Variants in IGF2R observed in about 807,000 individuals in gnomAD.
IGF2R encodes the protein insulin like growth factor 2 receptor, also known as cation-independent mannose-6-phosphate receptor.
IGF2R carries 91 observed loss-of-function variants against 270.6 expected under a neutral mutation model. The ratio of observed to expected loss-of-function variants is 0.34; its 90% CI spans 0.28 to 0.40. The LOEUF (loss-of-function observed/expected upper bound fraction) is 0.40. Ranked by LOEUF, IGF2R falls within the 10% of genes least tolerant of loss-of-function variation. IGF2R has a pLI of 1.00. For missense variants in IGF2R, 2,805 were observed against 3,188.3 expected (o/e 0.88, Z 2.90); for synonymous variants, 1,316 against 1,258.9 (o/e 1.05, Z -0.96).
chr6:160,048,165 G>A (rs1319992804), intron 17 of IGF2R, among the ~76,000 whole-genome samples: 1 of 152,202 alleles, frequency 6.6e-6, no homozygotes, highest in South Asian at 2.1e-4. Context: ...GCAGAGGCAC[G>A]GGGGACAGTT....
At position 160,084,330 on chromosome 6, in the gene IGF2R, T is replaced by C. The variant is rs184111334; in HGVS notation, c.6068+146T>C. On this transcript the variant is annotated intron_variant, in intron 40 of 47. Coordinates refer to ENST00000356956, the MANE Select transcript of IGF2R (RefSeq NM_000876.4). The surrounding 1 kb of genome is among the most constrained non-coding windows in gnomAD (Gnocchi z 4.6). ...ATGGTGGTTGAGTTGTGACTGTTCC[T>C]GGAAGCAGCCCGCAGTGTCAATCCT... 1,083 of 623,198 alleles carry C rather than the reference T, an allele frequency of 1.7e-3. 4 individuals are homozygous for C. The highest frequency in any genetic ancestry group is 0.015 in the African/African-American group (805 of 54,606). The allele number at this position is 623,198 out of a possible 1,614,324, so 38.6% of individuals were successfully genotyped here.
chr6:160,032,154 G>T (rs539258925), intron 7 of IGF2R, among the ~76,000 whole-genome samples: 1 of 152,282 alleles, frequency 6.6e-6, no homozygotes, highest in East Asian at 1.9e-4. Context: ...CGTGGAAAGC[G>T]GTGAATGGAC....
intron 6 of IGF2R, 72 bp downstream of exon 6, chr6:160,027,386 G>C (rs766889077): frequency 2.0e-6 from 3 of 1,492,508 alleles, no homozygotes; most frequent in Non-Finnish European, 2.7e-6. Flanking sequence ...GGAGCTGCAG[G>C]AACATCCTTT....
chr6:160,043,432 C>T, intron 12 of IGF2R, 144 bp downstream of exon 12: 1 of 963,150 alleles, frequency 1.0e-6, no homozygotes, highest in Non-Finnish European at 1.5e-6. Flanking sequence ...TCATTCATAA[C>T]TCAAATGTCA....
At chr6:160,101,967 C>T (rs922360426) in intron 45 of IGF2R, among the ~76,000 whole-genome samples, 8 of 152,172 alleles carry the variant, frequency 5.3e-5, no homozygotes, top group Non-Finnish European at 1.2e-4. Flanking sequence ...GGAGACCCGT[C>T]GGGGGCTGTG....
rs769601265 is a variant in IGF2R, at chr6:160,063,445, A to G, written c.3701A>G (p.His1234Arg). 2.2e-5 allele frequency: 35 copies of G among 1,612,774 alleles called. No homozygotes were observed. The Middle Eastern group carries it at 6.2e-4, about 28-fold the overall frequency. Residue 1234 changes from histidine to arginine, a missense_variant, in exon 27 of 48, where the codon CAT (histidine) becomes CGT (arginine). Physicochemically the swap from His to Arg is conservative, Grantham distance 29 (BLOSUM62 0). Coordinates refer to ENST00000356956, the MANE Select transcript of IGF2R (RefSeq NM_000876.4). ...GDNCEVKDPR[H>R]GNLYDLKPLG... is the part of the protein sequence containing the mutation. ...AACTGTGAGGTGAAAGACCCAAGGC[A>G]TGGCAACTTGTATGACCTGAAGCCC...
Position 160,029,671 on chromosome 6 carries a change from C to T in IGF2R, c.882+16C>T, listed in dbSNP as rs1465492404. 14 of 1,559,458 alleles carry T rather than the reference C, an allele frequency of 9.0e-6. No individual in the cohort carries two copies. The highest frequency in any genetic ancestry group is 1.2e-5 in the Non-Finnish European group (14 of 1,130,468). On this transcript the variant is annotated intron_variant, in intron 7 of 47. Coordinates refer to ENST00000356956, the MANE Select transcript of IGF2R (RefSeq NM_000876.4). Reference sequence around the variant, plus strand: ...GCGGAGAGAGGTAAGTGACTCGTCTCCTGATCACTAATGTGGCGCACAGTA... The same window carrying T: ...GCGGAGAGAGGTAAGTGACTCGTCTTCTGATCACTAATGTGGCGCACAGTA...
chr6:159,984,205 A>G (rs534217613), intron 1 of IGF2R, among the ~76,000 whole-genome samples: 3 of 152,284 alleles, frequency 2.0e-5, no homozygotes, highest in South Asian at 4.1e-4. Flanking sequence ...GTTTTGGCCA[A>G]TGACGGACTG....
intron 4 of IGF2R, among the ~76,000 whole-genome samples, chr6:160,018,022 G>A (rs1777345502): frequency 6.6e-6 from 1 of 152,170 alleles, no homozygotes; most frequent in African/African-American, 2.4e-5. Flanking sequence ...AACTTTGAAT[G>A]TGCATGGATT....
chr6:160,025,160 C>A (rs1777532206), intron 5 of IGF2R, among the ~76,000 whole-genome samples: 2 of 152,184 alleles, frequency 1.3e-5, no homozygotes, highest in Non-Finnish European at 2.9e-5. Flanking sequence ...GTGTGAGAAG[C>A]TTTAGCTTAA....
chr6:160,077,813 C>T (rs1778885909), intron 36 of IGF2R, among the ~76,000 whole-genome samples: 1 of 152,150 alleles, frequency 6.6e-6, no homozygotes. Flanking sequence ...GGCATCTTGC[C>T]CCTTGAATAA....
intron 18 of IGF2R, among the ~76,000 whole-genome samples, chr6:160,049,007 A>G (rs770443469): frequency 1.3e-5 from 2 of 152,188 alleles, no homozygotes; most frequent in African/African-American, 4.8e-5. Flanking sequence ...TCACCGCCAG[A>G]ACATTTACCC....
At chr6:160,033,511 C>T (rs923657133) in intron 9 of IGF2R, among the ~76,000 whole-genome samples, 10 of 152,204 alleles carry the variant, frequency 6.6e-5, no homozygotes, top group Admixed American at 2.0e-4. Flanking sequence ...TTCCATTTTC[C>T]GTAAGGTACG....
intron 44 of IGF2R, chr6:160,095,784 C>T (rs1398833619): frequency 2.0e-5 from 3 of 152,622 alleles, no homozygotes; most frequent in Admixed American, 1.3e-4. Flanking sequence ...ACATATCTGC[C>T]GTTGGCTGAC....
At chr6:160,056,568 G>T in intron 20 of IGF2R, 43 bp downstream of exon 20, 1 of 1,287,516 alleles carries the variant, frequency 7.8e-7, no homozygotes, top group Non-Finnish European at 1.1e-6. Context: ...GCTGCCTGCT[G>T]GACATCCTCA....
At chr6:160,073,081 A>T in intron 33 of IGF2R, 132 bp from the exon 34 acceptor site, 1 of 1,406,360 alleles carries the variant, frequency 7.1e-7, no homozygotes, top group South Asian at 1.4e-5. Context: ...ACAATGGTTA[A>T]AGCCGGATTG....
rs199563373 is a variant in IGF2R at position 160,060,676 on chromosome 6, C to T, written c.3221C>T (p.Ala1074Val). Residue 1074 changes from alanine (A) to valine (V), a missense_variant, in exon 23 of 48, where the codon GCG becomes GTG. Coordinates refer to ENST00000356956, the MANE Select transcript of IGF2R (RefSeq NM_000876.4). The part of the protein sequence containing the change: ...IRNTYFEFET[A>V]LACVPSPVDC... Reference sequence around the variant, plus strand: ...AACACTTACTTTGAGTTTGAAACCGCGTTGGCCTGTGTTCCTTCTCCAGTG... The same window carrying T: ...AACACTTACTTTGAGTTTGAAACCGTGTTGGCCTGTGTTCCTTCTCCAGTG... The T allele has an allele frequency of 3.7e-5, 60 of 1,614,240 alleles. No homozygotes were observed. The highest frequency in any genetic ancestry group is 1.7e-4 in the Admixed American group (10 of 60,030).
chr6:159,999,930 A>G (rs540312805), intron 2 of IGF2R, among the ~76,000 whole-genome samples: 2 of 152,352 alleles, frequency 1.3e-5, no homozygotes, highest in East Asian at 3.9e-4. Context: ...AACATTTCTT[A>G]TTACATACCT....
chr6:159,998,994 A>G lies in IGF2R; in HGVS notation c.289+7671A>G, dbSNP rs1021012602. On this transcript the variant is annotated intron_variant, in intron 2 of 47. Coordinates refer to ENST00000356956, the MANE Select transcript of IGF2R (RefSeq NM_000876.4). This position sits in a 1 kb window ranked among gnomAD's most constrained non-coding sequence, Gnocchi z 4.1. ...AGCGCAAAATGGATCTGTGTTCTAC[A>G]GTGGGCAGGTCTGTGCAAATCTGCC... Among the ~76,000 whole-genome samples, 1 of 152,248 alleles carries G rather than the reference A, an allele frequency of 6.6e-6. No individual in the cohort carries two copies. Among genetic ancestry groups the G allele is most frequent in the Admixed American group, 6.5e-5 (1 of 15,290 alleles).
Sources: allele counts gnomAD v4.1 joint callset (sites outside exome capture counted in the v4.1 genomes callset), GRCh38; gene constraint gnomAD v4.1.1; non-coding constraint Gnocchi (gnomAD v3.1); transcripts MANE v1.5; gene names NCBI Gene and HGNC (gene_info 2026-07-23, HGNC 2026-07-21).